PTPRD: variants seen among roughly 807,000 people sequenced by gnomAD.
PTPRD encodes protein tyrosine phosphatase receptor type D.
In PTPRD, 34 loss-of-function variants were observed where a neutral mutation model predicts 214.5. The observed-to-expected ratio is 0.16, with a 90% CI of 0.12 to 0.21. The LOEUF (loss-of-function observed/expected upper bound fraction) is 0.21. Among genes scored for constraint, PTPRD ranks in the 10% least tolerant of loss-of-function variants. The probability of loss-of-function intolerance (pLI) is 1.00; values close to 1 mark genes in which losing one functional copy is unlikely to be tolerated. For synonymous variants in PTPRD, 1,128 were observed against 845.7 expected, an observed-to-expected ratio of 1.33 and a Z score of -5.79; for missense variants, 2,545 against 2,398.7, an observed-to-expected ratio of 1.06 and a Z score of -1.27.
At chr9:9,526,518 A>G (rs1467142984) in intron 8 of PTPRD, among the ~76,000 whole-genome samples, 1 of 152,180 alleles carries the variant, frequency 6.6e-6, no homozygotes, top group Non-Finnish European at 1.5e-5. Context: ...TACAGACTAG[A>G]GTTTTTATGC....
At chr9:9,635,735 A>T (rs949084610) in intron 7 of PTPRD, among the ~76,000 whole-genome samples, 3 of 152,196 alleles carry the variant, frequency 2.0e-5, no homozygotes, top group Non-Finnish European at 2.9e-5. Flanking sequence ...CCCAGAAGTC[A>T]TTGTCAACAC....
At chr9:10,457,696 CCA>C (rs1053412636) in intron 2 of PTPRD, among the ~76,000 whole-genome samples, 1 of 151,942 alleles carries the variant, frequency 6.6e-6, no homozygotes, top group African/African-American at 2.4e-5. Context: ...ATTTTTATTC[CCA>C]CCAGCAAGGT....
At chr9:8,571,968 A>G (rs186360717) in intron 14 of PTPRD, among the ~76,000 whole-genome samples, 65 of 152,230 alleles carry the variant, frequency 4.3e-4, no homozygotes, top group African/African-American at 1.5e-3. Flanking sequence ...TAAAACTGTG[A>G]AAGAATTAAA....
chr9:10,329,918 C>T (rs2096718609), intron 3 of PTPRD, among the ~76,000 whole-genome samples: 2 of 151,924 alleles, frequency 1.3e-5, no homozygotes, highest in East Asian at 2.0e-4. Context: ...TGAAGATTCA[C>T]ATTTTCTACA....
chr9:9,326,358 G>A (rs2039897185), intron 9 of PTPRD, among the ~76,000 whole-genome samples: 1 of 151,712 alleles, frequency 6.6e-6, no homozygotes, highest in Non-Finnish European at 1.5e-5. Context: ...TTTCAAGAAG[G>A]GTTTGAATGA....
At chr9:9,197,626 G>A (rs188881143) in intron 9 of PTPRD, among the ~76,000 whole-genome samples, 1 of 152,194 alleles carries the variant, frequency 6.6e-6, no homozygotes, top group East Asian at 1.9e-4. Flanking sequence ...GGCCAGGCTG[G>A]TCTCGAACTC....
intron 3 of PTPRD, among the ~76,000 whole-genome samples, chr9:10,334,279 G>A (rs1405589025): frequency 1.3e-5 from 2 of 151,646 alleles, no homozygotes; most frequent in African/African-American, 4.8e-5. Context: ...TTATCACATT[G>A]ATAGAATAAA....
intron 12 of PTPRD, among the ~76,000 whole-genome samples, chr9:8,669,654 C>G (rs12350355): frequency 0.046 from 7,018 of 152,146 alleles, 559 homozygotes; most frequent in African/African-American, 0.16. Flanking sequence ...AGACAAGGAC[C>G]TTTTAGGATA....
At chr9:8,849,589 A>G (rs1037913752) in intron 11 of PTPRD, among the ~76,000 whole-genome samples, 2 of 152,176 alleles carry the variant, frequency 1.3e-5, no homozygotes, top group Non-Finnish European at 2.9e-5. Flanking sequence ...GCATTAGAAA[A>G]TGAGAGAATA....
chr9:9,647,554 A>G (rs2096226559), intron 7 of PTPRD, among the ~76,000 whole-genome samples: 1 of 152,312 alleles, frequency 6.6e-6, no homozygotes, highest in East Asian at 1.9e-4. Context: ...CCTTACATTT[A>G]TCTTTTCCCT....
At chr9:8,443,467 T>G (rs1199857695) in intron 34 of PTPRD, among the ~76,000 whole-genome samples, 1 of 152,222 alleles carries the variant, frequency 6.6e-6, no homozygotes, top group East Asian at 1.9e-4. Context: ...GATACCACTA[T>G]TTCTGATCCG....
At chr9:9,074,971 C>A (rs117139835) in intron 10 of PTPRD, among the ~76,000 whole-genome samples, 2,092 of 149,422 alleles carry the variant, frequency 0.014, 39 homozygotes, top group East Asian at 0.065. Context: ...CAATATAGAA[C>A]AAAGATGGTC....
chr9:8,506,935 C>G (rs2097553644), intron 22 of PTPRD, among the ~76,000 whole-genome samples: 1 of 152,170 alleles, frequency 6.6e-6, no homozygotes, highest in African/African-American at 2.4e-5. Context: ...CACCTGTCCC[C>G]ACAGTGACTT....
chr9:10,156,926 G>A (rs896825601), intron 3 of PTPRD, among the ~76,000 whole-genome samples: 1 of 152,100 alleles, frequency 6.6e-6, no homozygotes, highest in Non-Finnish European at 1.5e-5. Flanking sequence ...CTTAAAGTCT[G>A]TTTTGTCTGA....
At chr9:8,843,501 A>G (rs2097610571) in intron 11 of PTPRD, among the ~76,000 whole-genome samples, 1 of 152,188 alleles carries the variant, frequency 6.6e-6, no homozygotes, top group Non-Finnish European at 1.5e-5. Context: ...AACACGGGAA[A>G]CGTTCTATGT....
intron 34 of PTPRD, among the ~76,000 whole-genome samples, chr9:8,448,801 G>C (rs2133388552): frequency 6.6e-6 from 1 of 152,258 alleles, no homozygotes; most frequent in Non-Finnish European, 1.5e-5. Flanking sequence ...TATATCTGCA[G>C]TGTATCATAC....
intron 11 of PTPRD, among the ~76,000 whole-genome samples, chr9:8,778,405 G>A (rs925383425): frequency 2.0e-5 from 3 of 152,138 alleles, no homozygotes; most frequent in African/African-American, 7.2e-5. Flanking sequence ...ATTCCTGACA[G>A]CTCAGCCTCC....
At chr9:10,554,901 C>A (rs1275505075) in intron 2 of PTPRD, among the ~76,000 whole-genome samples, 1 of 152,170 alleles carries the variant, frequency 6.6e-6, no homozygotes, top group Admixed American at 6.5e-5. Context: ...ACCTCGTGAT[C>A]CGCCCACCTG....
intron 3 of PTPRD, among the ~76,000 whole-genome samples, chr9:10,176,829 G>A (rs968381779): frequency 2.6e-5 from 4 of 151,878 alleles, no homozygotes; most frequent in Non-Finnish European, 5.9e-5. Flanking sequence ...CCATTGATAT[G>A]GAATAAACAC....
Sources: allele counts gnomAD v4.1 joint callset (sites outside exome capture counted in the v4.1 genomes callset), GRCh38; gene constraint gnomAD v4.1.1; transcripts MANE v1.5; gene names NCBI Gene and HGNC (gene_info 2026-07-23, HGNC 2026-07-21).